SS18: variants seen among roughly 807,000 people sequenced by gnomAD.
The protein encoded by SS18 is protein SSXT.
In SS18, 28 loss-of-function variants were observed where a neutral mutation model predicts 72.5. The ratio of observed to expected loss-of-function variants is 0.39; its 90% CI spans 0.29 to 0.53. The LOEUF (loss-of-function observed/expected upper bound fraction) is 0.53. Among genes scored for constraint, SS18 ranks in the 20% least tolerant of loss-of-function variants. The pLI, the probability that SS18 is intolerant of heterozygous loss-of-function variation, is 0.76. For missense variants in SS18, 518 were observed against 535.3 expected (o/e 0.97, Z 0.32); for synonymous variants, 172 against 164.2 (o/e 1.05, Z -0.37).
rs1045257002 is a variant in SS18 at position 26,017,402 on chromosome 18, C to T, written c.*952G>A. 5.2e-6 allele frequency: 1 copy of T among 192,428 alleles called. No individual in the cohort carries two copies. Among genetic ancestry groups the T allele is most frequent in the African/African-American group, 2.3e-5 (1 of 43,098 alleles). 11.9% of individuals were successfully genotyped at this position (192,428 alleles called of 1,614,324 possible). A position where few individuals can be genotyped will look rare whatever the true frequency, so the allele number is the denominator to read the frequency against. ...ATATTACAAAATAAAATGACTGGAT[C>T]AATGTTGACTCTTCTTTGATATCAT... On this transcript the variant is annotated 3_prime_UTR_variant, in exon 11 of 11. Coordinates refer to ENST00000415083, the MANE Select transcript of SS18 (RefSeq NM_001007559.3).
intron 5 of SS18, 105 bp from the exon 6 acceptor site, chr18:26,039,561 T>A: frequency 1.0e-6 from 1 of 1,004,328 alleles, no homozygotes; most frequent in Non-Finnish European, 1.4e-6. Flanking sequence ...AATATATAAT[T>A]AAATGCAGTA....
At chr18:26,048,904 C>T (rs1201132910) in intron 5 of SS18, among the ~76,000 whole-genome samples, 2 of 152,090 alleles carry the variant, frequency 1.3e-5, no homozygotes, top group African/African-American at 2.4e-5. Flanking sequence ...GATGATTAGC[C>T]AACTGATTTT....
At chr18:26,038,483 GTT>G in intron 7 of SS18, 70 bp downstream of exon 7, 1 of 1,398,366 alleles carries the variant, frequency 7.2e-7, no homozygotes, top group Non-Finnish European at 1.0e-6. Context: ...TCACTGAAAT[GTT>G]TTAAATAACT....
At chr18:26,048,400 T>C (rs140921712) in intron 5 of SS18, among the ~76,000 whole-genome samples, 31 of 152,292 alleles carry the variant, frequency 2.0e-4, no homozygotes, top group African/African-American at 7.2e-4. Context: ...ACAAAGAATG[T>C]TGCCATTTAA....
At chr18:26,072,487 CTT>C (rs2054329253) in intron 3 of SS18, among the ~76,000 whole-genome samples, 1 of 151,934 alleles carries the variant, frequency 6.6e-6, no homozygotes, top group Admixed American at 6.6e-5. Flanking sequence ...ATAAAGTAGA[CTT>C]TAAAAGCATT....
At position 26,018,145 on chromosome 18, in the gene SS18, G is replaced by C; in HGVS notation, c.*209C>G. ...CTGTCCAATGTTGCCATCTAGAGTA[G>C]AAATGTGAAATCAAGAGTATTTTTG... On this transcript the variant is annotated 3_prime_UTR_variant, in exon 11 of 11. Coordinates refer to ENST00000415083, the MANE Select transcript of SS18 (RefSeq NM_001007559.3). The C allele has an allele frequency of 2.2e-6, 1 of 459,588 alleles. No individual in the cohort carries two copies. The highest frequency in any genetic ancestry group is 3.8e-5 in the South Asian group (1 of 26,160). 28.5% of individuals were successfully genotyped at this position (459,588 alleles called of 1,614,324 possible).
intron 2 of SS18, among the ~76,000 whole-genome samples, chr18:26,081,021 G>C (rs925075773): frequency 1.4e-5 from 2 of 145,706 alleles, no homozygotes; most frequent in South Asian, 4.3e-4. Flanking sequence ...CTCGTATAAG[G>C]AGGTAGGTAA....
intron 3 of SS18, among the ~76,000 whole-genome samples, chr18:26,064,062 T>C (rs2054171356): frequency 6.6e-6 from 1 of 152,062 alleles, no homozygotes; most frequent in Non-Finnish European, 1.5e-5. Flanking sequence ...TTAGGTAAAA[T>C]GGACAACTTC....
intron 10 of SS18, among the ~76,000 whole-genome samples, chr18:26,021,483 T>C (rs2053348754): frequency 6.6e-6 from 1 of 152,110 alleles, no homozygotes; most frequent in Non-Finnish European, 1.5e-5. Flanking sequence ...CTTGAGTAAA[T>C]CACTTGAACA....
At chr18:26,078,221 C>CTTT in intron 2 of SS18, 61 bp from the exon 3 acceptor site, 1 of 1,159,992 alleles carries the variant, frequency 8.6e-7, no homozygotes, top group Non-Finnish European at 1.3e-6. Context: ...TGCCTAAGTA[C>CTTT]AAACAGCACT....
At chr18:26,086,735 A>T (rs2054621907) in intron 2 of SS18, among the ~76,000 whole-genome samples, 1 of 152,220 alleles carries the variant, frequency 6.6e-6, no homozygotes, top group African/African-American at 2.4e-5. Context: ...TATGAATGAC[A>T]ATCAGTTCTC....
rs368734461 is a variant in SS18 at position 26,057,575 on chromosome 18, G to A, written c.385+14C>T. 8.7e-5 allele frequency: 141 copies of A among 1,613,882 alleles called. No homozygotes were observed. Among genetic ancestry groups the A allele is most frequent in the Non-Finnish European group, 5.8e-5 (68 of 1,179,982 alleles). On this transcript the variant is annotated intron_variant, in intron 4 of 10. Coordinates refer to ENST00000415083, the MANE Select transcript of SS18 (RefSeq NM_001007559.3). The stretch of plus-strand genomic sequence containing the variant: ...GCAACTCTGGTGTTAATGTCTTAGA[G>A]GAGAAAAACTTACCAGGCATCTGGC...
At chr18:26,054,131 GTACA>G (rs1455470420) in intron 4 of SS18, among the ~76,000 whole-genome samples, 1 of 151,910 alleles carries the variant, frequency 6.6e-6, no homozygotes, top group Non-Finnish European at 1.5e-5. Context: ...TAAATGCTAT[GTACA>G]TAGTCACTAT....
rs1281733753 is a variant in SS18 at position 26,016,787 on chromosome 18, AAC to A, written c.*1565_*1566del. ...ACCTGTTCTGACCTTGAAACACACA[AAC>A]ACACACTCTCTCTCTCATACACACA... On this transcript the variant is annotated 3_prime_UTR_variant, in exon 11 of 11. Coordinates refer to ENST00000415083, the MANE Select transcript of SS18 (RefSeq NM_001007559.3). 3.5e-5 allele frequency: 8 copies of A among 231,788 alleles called. No homozygotes were observed. In the Admixed American group the frequency reaches 4.5e-4, roughly 13 times the overall value. The allele number at this position is 231,788 out of a possible 1,614,324, so 14.4% of individuals were successfully genotyped here.
chr18:26,070,119 G>C (rs544272252), intron 3 of SS18, among the ~76,000 whole-genome samples: 1 of 152,058 alleles, frequency 6.6e-6, no homozygotes, highest in Non-Finnish European at 1.5e-5. Context: ...AGAAATCCAC[G>C]TAACAAAACT....
chr18:26,052,240 A>T (rs953187364), intron 5 of SS18, among the ~76,000 whole-genome samples: 6 of 152,238 alleles, frequency 3.9e-5, no homozygotes, highest in African/African-American at 1.4e-4. Flanking sequence ...ACAGCATCAG[A>T]AAACATCCAT....
intron 5 of SS18, among the ~76,000 whole-genome samples, chr18:26,041,462 T>C (rs1056521988): frequency 2.0e-5 from 3 of 152,226 alleles, no homozygotes; most frequent in East Asian, 3.9e-4. Context: ...ACAAATTCAG[T>C]AGTTCCGAAG....
chr18:26,059,921 A>G (rs1313188565), intron 3 of SS18, among the ~76,000 whole-genome samples: 1 of 152,264 alleles, frequency 6.6e-6, no homozygotes, highest in East Asian at 1.9e-4. Context: ...TGAACAATGT[A>G]TAGAAATTGC....
intron 4 of SS18, 77 bp downstream of exon 4, chr18:26,057,512 T>C: frequency 4.5e-6 from 7 of 1,558,980 alleles, no homozygotes; most frequent in Admixed American, 1.7e-5. Flanking sequence ...ATCAACAATC[T>C]AGTATCCCTT....
Sources: gnomAD v4.1 joint callset for allele counts (sites outside exome capture counted in the v4.1 genomes callset) on GRCh38, gnomAD v4.1.1 for gene constraint, MANE v1.5 for transcripts, NCBI Gene and HGNC (gene_info 2026-07-23, HGNC 2026-07-21) for gene names.